ZNF479: variants seen among roughly 807,000 people sequenced by gnomAD.
ZNF479 encodes KRAB zinc finger protein KR19.
A neutral mutation model predicts 14.7 loss-of-function variants in ZNF479; 15 were observed. The observed-to-expected ratio is 1.02, with a 90% CI of 0.68 to 1.57. ZNF479 has a LOEUF of 1.57. Among genes scored for constraint, ZNF479 ranks in the 40% most tolerant of loss-of-function variants. The pLI is 0.00. For synonymous variants in ZNF479, 145 were observed against 211.5 expected (o/e 0.69, Z 2.73); for missense variants, 506 against 615.1 (o/e 0.82, Z 1.88).
chr7:57,135,970 T>TCAATCTCTCTCTCTCTCTCTCTCTCA (rs1244289281), upstream of ZNF479, among the ~76,000 whole-genome samples: 6 of 125,460 alleles, frequency 4.8e-5, 1 homozygote, highest in Admixed American at 1.7e-4. Flanking sequence ...AATCTCTCTC[T>TCAATCTCTCTCTCTCTCTCTCTCTCA]CAATCTCTCT....
chr7:57,134,942 C>T (rs760985433), upstream of ZNF479, among the ~76,000 whole-genome samples: 18 of 151,978 alleles, frequency 1.2e-4, no homozygotes, highest in East Asian at 1.9e-4. Flanking sequence ...CCCAAATTGC[C>T]GGGGTTACAG....
intron 3 of ZNF479, among the ~76,000 whole-genome samples, chr7:57,121,670 T>A (rs1415396234): frequency 4.6e-5 from 7 of 152,292 alleles, no homozygotes; most frequent in African/African-American, 1.7e-4. Flanking sequence ...TCCCAGAATC[T>A]CTACCAAAGA....
chr7:57,122,792 A>G (rs1169214842), intron 3 of ZNF479, among the ~76,000 whole-genome samples: 1 of 152,136 alleles, frequency 6.6e-6, no homozygotes, highest in Non-Finnish European at 1.5e-5. Flanking sequence ...GATTGATATT[A>G]TATAATGGTA....
intron 1 of ZNF479, among the ~76,000 whole-genome samples, chr7:57,128,832 T>G (rs1786296363): frequency 6.6e-6 from 1 of 152,224 alleles, no homozygotes; most frequent in South Asian, 2.1e-4. Context: ...GACACTGCGC[T>G]TGATCTGAGA....
chr7:57,138,369 C>CT, intron 1 of ZNF479, among the ~76,000 whole-genome samples: 1 of 152,094 alleles, frequency 6.6e-6, no homozygotes, highest in African/African-American at 2.4e-5. Context: ...AGTCCAGCAC[C>CT]GAGGTAAAAT....
At chr7:57,131,589 A>C (rs1196348040) in intron 1 of ZNF479, among the ~76,000 whole-genome samples, 1 of 135,774 alleles carries the variant, frequency 7.4e-6, no homozygotes. Flanking sequence ...CAAACAAACA[A>C]AAAAAAAACA....
chr7:57,121,395 A>G (rs1785942560), intron 3 of ZNF479, among the ~76,000 whole-genome samples: 1 of 152,204 alleles, frequency 6.6e-6, no homozygotes, highest in Non-Finnish European at 1.5e-5. Flanking sequence ...AGAGCCATAT[A>G]GAGAGAAAAG....
chr7:57,132,164 GA>G, intron 1 of ZNF479, 121 bp downstream of exon 1: 1 of 1,570,078 alleles, frequency 6.4e-7, no homozygotes, highest in Non-Finnish European at 8.7e-7. Context: ...CTGGGCCAAA[GA>G]GGATTTGGGT....
intron 1 of ZNF479, among the ~76,000 whole-genome samples, chr7:57,137,779 C>T (rs534665053): frequency 4.6e-5 from 7 of 152,176 alleles, no homozygotes; most frequent in Non-Finnish European, 1.0e-4. Context: ...TGGGCTCTGC[C>T]CTCCCAGGGT....
At chr7:57,136,344 A>G (rs1786653942), upstream of ZNF479, among the ~76,000 whole-genome samples, 1 of 151,908 alleles carries the variant, frequency 6.6e-6, no homozygotes, top group Non-Finnish European at 1.5e-5. Flanking sequence ...AGTTCACGCT[A>G]CTGCACTCCA....
intron 3 of ZNF479, among the ~76,000 whole-genome samples, chr7:57,124,802 C>T (rs545034991): frequency 3.3e-5 from 5 of 152,250 alleles, no homozygotes; most frequent in Admixed American, 1.3e-4. Context: ...GAGCCAGGTG[C>T]GGTGGCTCAC....
intron 2 of ZNF479, 21 bp from the exon 3 acceptor site, chr7:57,126,134 A>T (rs745382769): frequency 5.1e-6 from 8 of 1,581,808 alleles, no homozygotes; most frequent in Non-Finnish European, 6.8e-6. Context: ...AAGAAAAAAA[A>T]GTAACATAGA....
chr7:57,132,472 A>G (rs1786478455), upstream of ZNF479: 2 of 1,242,656 alleles, frequency 1.6e-6, no homozygotes, highest in Non-Finnish European at 2.3e-6. Context: ...TGTTCTTTCC[A>G]GCTGCAAGCC....
Position 57,119,923 on chromosome 7 carries a change from A to G in ZNF479, c.1492T>C (p.Cys498Arg). ...TGEKPYKCEE[C>R]EQAFKWHSSL... ...GAATGCCACTTAAAAGCTTGCTCAC[A>G]TTCTTCACATTTGTAGGGTTTCTCT... The change falls in exon 4 of 4, where the codon TGT (cysteine) becomes CGT (arginine). Residue 498 changes from cysteine to arginine, a missense_variant. Physicochemically the swap from Cys to Arg is radical, Grantham distance 180 (BLOSUM62 -3). Coordinates refer to ENST00000319636, the MANE Select transcript of ZNF479 (RefSeq NM_001370129.2). 5 of 1,613,694 alleles carry G rather than the reference A, an allele frequency of 3.1e-6. No individual in the cohort carries two copies. Among genetic ancestry groups the G allele is most frequent in the Non-Finnish European group, 4.2e-6 (5 of 1,179,780 alleles).
At position 57,121,560 on chromosome 7, in the gene ZNF479, G is replaced by A. The variant is rs1554400636; in HGVS notation, c.263-408C>T. On this transcript the variant is annotated intron_variant, in intron 3 of 3. Transcript: ENST00000319636. ...GATGGGCAGAAGATAGGTGTAGAAC[G>A]TAGTTACTGACCACTAAGAAGAAAT... Among the ~76,000 whole-genome samples, 6 of 152,084 alleles carry A rather than the reference G, an allele frequency of 3.9e-5. 1 individual carries two copies. Among genetic ancestry groups the A allele is most frequent in the South Asian group, 4.2e-4 (2 of 4,816 alleles).
chr7:57,127,819 T>C (rs1423197695), intron 1 of ZNF479, among the ~76,000 whole-genome samples: 7 of 151,908 alleles, frequency 4.6e-5, no homozygotes, highest in Non-Finnish European at 8.8e-5. Flanking sequence ...TCAACTTTAT[T>C]AGGACACATT....
upstream of ZNF479, among the ~76,000 whole-genome samples, chr7:57,135,384 AC>A (rs1379308293): frequency 2.0e-5 from 3 of 152,056 alleles, no homozygotes; most frequent in African/African-American, 7.2e-5. Flanking sequence ...TGGAATGTTA[AC>A]CATTGCTGTC....
rs60128822 is a variant in ZNF479 at position 57,117,905 on chromosome 7, A to G, written c.*1935T>C. Among the ~76,000 whole-genome samples the G allele has an allele frequency of 1.3e-5, 2 of 150,626 alleles. No homozygotes were observed. The highest frequency in any genetic ancestry group is 3.0e-5 in the Non-Finnish European group (2 of 67,460). On this transcript the variant is annotated 3_prime_UTR_variant, in exon 4 of 4. Transcript: ENST00000319636. Reference sequence around the variant, plus strand: ...AAGGTAATTATGAATCTCGAAAAAAACTACTTCTTTAACATGTATATGGTG... The same window carrying G: ...AAGGTAATTATGAATCTCGAAAAAAGCTACTTCTTTAACATGTATATGGTG...
rs1583924924 is a variant in ZNF479, at chr7:57,118,267, G to A, written c.*1573C>T. Among the ~76,000 whole-genome samples, 1 of 152,372 alleles carries A rather than the reference G, an allele frequency of 6.6e-6. No homozygotes were observed. Among genetic ancestry groups the A allele is most frequent in the African/African-American group, 2.4e-5 (1 of 41,596 alleles). ...GTGTACAATAAAATCTGTAATGGAA[G>A]TAAAGGTACAGCAATCCTCTTTAAG... On this transcript the variant is annotated 3_prime_UTR_variant, in exon 4 of 4. Coordinates refer to ENST00000319636, the MANE Select transcript of ZNF479 (RefSeq NM_001370129.2).
Sources: allele counts gnomAD v4.1 joint callset (sites outside exome capture counted in the v4.1 genomes callset), GRCh38; gene constraint gnomAD v4.1.1; transcripts MANE v1.5; gene names NCBI Gene and HGNC (gene_info 2026-07-23, HGNC 2026-07-21).